VEPH1: variants seen among roughly 807,000 people sequenced by gnomAD.
VEPH1 encodes the protein ventricular zone-expressed PH domain-containing protein homolog 1.
A neutral mutation model predicts 85.2 loss-of-function variants in VEPH1; 80 were observed. The observed-to-expected ratio is 0.94, with a 90% CI of 0.78 to 1.13. VEPH1 has a LOEUF of 1.13. Ranked by LOEUF, VEPH1 falls within the 50% of genes most tolerant of loss-of-function variation. The pLI is 0.00. For synonymous variants in VEPH1, 297 were observed against 348.0 expected, an observed-to-expected ratio of 0.85 and a Z score of 1.63; for missense variants, 955 against 980.5, an observed-to-expected ratio of 0.97 and a Z score of 0.35.
At chr3:157,316,203 GGA>G (rs1446828022) in intron 10 of VEPH1, 1 of 151,784 alleles carries the variant, frequency 6.6e-6, no homozygotes, top group Non-Finnish European at 1.5e-5. Flanking sequence ...GATTTTTATA[GGA>G]GATATTATGG....
At position 157,280,014 on chromosome 3, in the gene VEPH1, C is replaced by CAAA. The variant is rs369384376; in HGVS notation, c.2128+6540_2128+6542dup. ...CTGGCGACAGAGCAAGACTCTGTTT[C>CAAA]AAAAAAAAAAAAAAAAAAAGGACCA... is the stretch of plus-strand genomic sequence containing the variant. On this transcript the variant is annotated intron_variant, in intron 12 of 13. Transcript: ENST00000362010. 2.5e-3 allele frequency among the ~76,000 whole-genome samples: 276 copies of CAAA among 109,920 alleles called. 4 individuals carry two copies. Among genetic ancestry groups the CAAA allele is most frequent in the Non-Finnish European group, 3.4e-3 (183 of 54,126 alleles). 72.1% of individuals were successfully genotyped at this position (109,920 alleles called of 152,430 possible). A position where few individuals can be genotyped will look rare whatever the true frequency, so the allele number is the denominator to read the frequency against.
At chr3:157,445,898 A>C (rs1577678839) in intron 4 of VEPH1, among the ~76,000 whole-genome samples, 1 of 152,360 alleles carries the variant, frequency 6.6e-6, no homozygotes, top group Non-Finnish European at 1.5e-5. Flanking sequence ...AATTCTCAGG[A>C]AGTTGGATAT....
At chr3:157,351,499 C>T (rs1191975305) in intron 9 of VEPH1, among the ~76,000 whole-genome samples, 1 of 152,166 alleles carries the variant, frequency 6.6e-6, no homozygotes, top group East Asian at 1.9e-4. Flanking sequence ...TGGCCCATCT[C>T]CTCAATTAAT....
chr3:157,460,160 A>T, intron 4 of VEPH1, 21 bp downstream of exon 4: 1 of 1,614,184 alleles, frequency 6.2e-7, no homozygotes, highest in East Asian at 2.2e-5. Context: ...CATGTCCCCA[A>T]GCTCAACTTT....
At chr3:157,375,087 C>T (rs1290643764) in intron 7 of VEPH1, among the ~76,000 whole-genome samples, 4 of 152,166 alleles carry the variant, frequency 2.6e-5, no homozygotes, top group South Asian at 2.1e-4. Flanking sequence ...TACTCTATTA[C>T]GCTCTACTAT....
rs79337899 is a variant in VEPH1 at position 157,351,629 on chromosome 3, A to G, written c.1735+11735T>C. Among the ~76,000 whole-genome samples the G allele has an allele frequency of 6.1e-3, 934 of 152,314 alleles. 16 individuals carry two copies. The highest frequency in any genetic ancestry group is 0.021 in the African/African-American group (883 of 41,540). On this transcript the variant is annotated intron_variant, in intron 9 of 13. Coordinates refer to ENST00000362010, the MANE Select transcript of VEPH1 (RefSeq NM_001167912.2). Reference sequence around the variant, plus strand: ...TAGTGCTTCTTACCTTCAATGTGTTATGAAACACCTGGTTGGAGGTGGCAG... The same window carrying G: ...TAGTGCTTCTTACCTTCAATGTGTTGTGAAACACCTGGTTGGAGGTGGCAG...
chr3:157,376,858 T>A (rs1231523970), intron 7 of VEPH1, among the ~76,000 whole-genome samples: 1 of 152,228 alleles, frequency 6.6e-6, no homozygotes, highest in Non-Finnish European at 1.5e-5. Flanking sequence ...GACATCTGTT[T>A]TGAATTTTAT....
In VEPH1 at chr3:157,260,315, T is replaced by C. The variant is rs1712715652; in HGVS notation, c.*819A>G. 6.6e-6 allele frequency: 1 copy of C among 152,176 alleles called. No individual in the cohort carries two copies. The highest frequency in any genetic ancestry group is 1.5e-5 in the Non-Finnish European group (1 of 68,018). The allele number at this position is 152,176 out of a possible 1,614,324, so 9.4% of individuals were successfully genotyped here. On this transcript the variant is annotated 3_prime_UTR_variant, in exon 14 of 14. Transcript: ENST00000362010. ...CTATGTAGTGAAAAAAATAGATGTT[T>C]GTAATTTGGAGGTATTAAAAAGTTG...
chr3:157,464,334 A>G (rs1736161857), intron 3 of VEPH1, among the ~76,000 whole-genome samples: 1 of 152,208 alleles, frequency 6.6e-6, no homozygotes, highest in South Asian at 2.1e-4. Flanking sequence ...AGGAGATCTC[A>G]GGCCCATGAA....
chr3:157,445,972 T>G (rs1301666131), intron 4 of VEPH1, among the ~76,000 whole-genome samples: 1 of 152,152 alleles, frequency 6.6e-6, no homozygotes, highest in Non-Finnish European at 1.5e-5. Flanking sequence ...TATATAGGTG[T>G]TAGCAAAAGG....
chr3:157,341,630 AC>A (rs1356142949), intron 9 of VEPH1, among the ~76,000 whole-genome samples: 4 of 152,364 alleles, frequency 2.6e-5, no homozygotes, highest in African/African-American at 9.6e-5. Flanking sequence ...AACTTCCCCA[AC>A]CTAACAAGGC....
intron 7 of VEPH1, among the ~76,000 whole-genome samples, chr3:157,373,894 G>A (rs1229591764): frequency 2.0e-5 from 3 of 152,154 alleles, no homozygotes; most frequent in African/African-American, 7.2e-5. Context: ...CTACCCTACT[G>A]TGTCCTTACA....
At position 157,409,975 on chromosome 3, in the gene VEPH1, C is replaced by T. The variant is rs139042502; in HGVS notation, c.906+3906G>A. ...TAGATTGTATATTATATGCTCTGAT[C>T]AGTCAGTATGCTCTGATCAGTCAGA... On this transcript the variant is annotated intron_variant, in intron 6 of 13. Transcript: ENST00000362010. 98 of 967,398 alleles carry T rather than the reference C, an allele frequency of 1.0e-4. No homozygotes were observed. In the African/African-American group the frequency reaches 1.7e-3, roughly 16 times the overall value. 59.9% of individuals were successfully genotyped at this position (967,398 alleles called of 1,614,324 possible). A position where few individuals can be genotyped will look rare whatever the true frequency, so the allele number is the denominator to read the frequency against.
intron 12 of VEPH1, among the ~76,000 whole-genome samples, chr3:157,266,110 C>T (rs1487737325): frequency 1.3e-5 from 2 of 149,394 alleles, no homozygotes; most frequent in Non-Finnish European, 3.0e-5. Context: ...AATTTCCATG[C>T]TTTATGACAC....
intron 5 of VEPH1, among the ~76,000 whole-genome samples, chr3:157,425,156 G>A (rs1732658733): frequency 6.6e-6 from 1 of 152,246 alleles, no homozygotes; most frequent in Admixed American, 6.5e-5. Context: ...TTCAGAAGGT[G>A]TAAACCCCAA....
chr3:157,465,938 A>G (rs908393896), intron 3 of VEPH1, among the ~76,000 whole-genome samples: 29 of 152,186 alleles, frequency 1.9e-4, no homozygotes, highest in African/African-American at 5.3e-4. Context: ...GATTAAATAC[A>G]TGGCAATGGC....
chr3:157,264,019 T>C (rs973301753), intron 13 of VEPH1, among the ~76,000 whole-genome samples: 12 of 152,212 alleles, frequency 7.9e-5, no homozygotes, highest in Admixed American at 7.9e-4. Context: ...TGTGAGGTGT[T>C]TCTGGAAGAG....
At chr3:157,300,668 A>C (rs1485481140) in intron 11 of VEPH1, among the ~76,000 whole-genome samples, 1 of 152,234 alleles carries the variant, frequency 6.6e-6, no homozygotes, top group Non-Finnish European at 1.5e-5. Flanking sequence ...AAGAGTAAAA[A>C]ACAACAGACA....
chr3:157,367,132 T>C (rs553829716), intron 7 of VEPH1, among the ~76,000 whole-genome samples: 5 of 152,358 alleles, frequency 3.3e-5, no homozygotes, highest in African/African-American at 1.2e-4. Context: ...TCTTACATAA[T>C]TTTATAAGTT....
Sources: gnomAD v4.1 joint callset for allele counts (sites outside exome capture counted in the v4.1 genomes callset) on GRCh38, gnomAD v4.1.1 for gene constraint, MANE v1.5 for transcripts, NCBI Gene and HGNC (gene_info 2026-07-23, HGNC 2026-07-21) for gene names.